DNM3: variants seen among roughly 807,000 people sequenced by gnomAD.
The protein encoded by DNM3 is dynamin 3.
Under a neutral mutation model 101.6 loss-of-function variants are expected in DNM3, and 47 were observed. That is an observed-to-expected ratio of 0.46 (90% CI 0.37 to 0.59). The LOEUF (loss-of-function observed/expected upper bound fraction) is 0.59, where lower values mean the gene tolerates loss of function less well. Among genes scored for constraint, DNM3 ranks in the 20% least tolerant of loss-of-function variants. The pLI, the probability that DNM3 is intolerant of heterozygous loss-of-function variation, is 0.00. For synonymous variants in DNM3, 385 were observed against 387.9 expected, an observed-to-expected ratio of 0.99 and a Z score of 0.09; for missense variants, 849 against 1,085.7, an observed-to-expected ratio of 0.78 and a Z score of 3.06.
intron 15 of DNM3, among the ~76,000 whole-genome samples, chr1:172,290,930 G>A (rs10911502): frequency 2.3e-3 from 354 of 152,084 alleles, no homozygotes; most frequent in Middle Eastern, 6.8e-3. Context: ...TGGGAGTCAG[G>A]CGGGTGTGAT....
intron 15 of DNM3, among the ~76,000 whole-genome samples, chr1:172,262,218 T>G (rs1464159781): frequency 6.6e-6 from 1 of 152,026 alleles, no homozygotes; most frequent in Admixed American, 6.5e-5. Flanking sequence ...GTGGTGGTTG[T>G]GGGCAGTGGC....
At position 172,388,793 on chromosome 1, in the gene DNM3, C is replaced by G; in HGVS notation, c.2506C>G (p.Pro836Ala). 6.3e-7 allele frequency: 1 copy of G among 1,586,108 alleles called. No individual in the cohort carries two copies. Among genetic ancestry groups the G allele is most frequent in the Non-Finnish European group, 8.6e-7 (1 of 1,166,190 alleles). The change falls in exon 20 of 21, where the codon CCG becomes GCG. Residue 836 changes from proline (P) to alanine (A), a missense_variant. Transcript: ENST00000627582. Reference protein sequence around the residue: ...PQVPSRPTRAPPSVPSRRPPP... With the variant: ...PQVPSRPTRAAPSVPSRRPPP... ...AGTTCCATCTAGGCCTACGAGGGCCCCGCCCAGTGTCCCAAGGTAAGGCAT... is the reference window on the plus strand; with the variant it reads ...AGTTCCATCTAGGCCTACGAGGGCCGCGCCCAGTGTCCCAAGGTAAGGCAT...
intron 14 of DNM3, among the ~76,000 whole-genome samples, chr1:172,246,084 T>A (rs1218014115): frequency 2.0e-5 from 3 of 152,214 alleles, no homozygotes; most frequent in African/African-American, 7.2e-5. Context: ...TTTTAAACCA[T>A]CTGATCTCAT....
chr1:172,036,375 C>T (rs905601331), intron 6 of DNM3, among the ~76,000 whole-genome samples: 75 of 151,840 alleles, frequency 4.9e-4, no homozygotes, highest in African/African-American at 6.5e-4. Flanking sequence ...ATGGTGTATA[C>T]GCTACCTGAC....
At chr1:172,039,994 A>C (rs1057231097) in intron 7 of DNM3, among the ~76,000 whole-genome samples, 2 of 152,174 alleles carry the variant, frequency 1.3e-5, no homozygotes, top group African/African-American at 4.8e-5. Flanking sequence ...CCGGATGAGG[A>C]AGCAGTTACA....
chr1:172,081,957 A>G, intron 12 of DNM3, 55 bp downstream of exon 12: 3 of 1,546,734 alleles, frequency 1.9e-6, no homozygotes, highest in East Asian at 2.3e-5. Context: ...TGTCTCAAAC[A>G]CACATTGTGA....
chr1:172,321,650 C>T (rs2065723192), intron 16 of DNM3, among the ~76,000 whole-genome samples: 1 of 152,144 alleles, frequency 6.6e-6, no homozygotes, highest in African/African-American at 2.4e-5. Flanking sequence ...TCATTGTTGC[C>T]ACTACAAACA....
intron 16 of DNM3, among the ~76,000 whole-genome samples, chr1:172,316,859 G>A (rs1039183909): frequency 3.4e-4 from 51 of 152,204 alleles, no homozygotes; most frequent in Middle Eastern, 3.4e-3. Flanking sequence ...GGATACCCAG[G>A]AATTGAACTC....
chr1:172,127,235 C>T (rs1003146600), intron 13 of DNM3, among the ~76,000 whole-genome samples: 3 of 151,972 alleles, frequency 2.0e-5, no homozygotes, highest in African/African-American at 7.3e-5. Context: ...GACTTACGTC[C>T]ACCCTTACTC....
chr1:172,387,106 T>A, intron 18 of DNM3, 27 bp from the exon 19 acceptor site: 1 of 1,584,208 alleles, frequency 6.3e-7, no homozygotes, highest in Non-Finnish European at 8.7e-7. Flanking sequence ...TTATTCCCAT[T>A]TTTATTTCTC....
At chr1:171,993,988 A>G (rs2045822141) in intron 4 of DNM3, among the ~76,000 whole-genome samples, 1 of 152,020 alleles carries the variant, frequency 6.6e-6, no homozygotes, top group South Asian at 2.1e-4. Flanking sequence ...TTGGTGAAAC[A>G]TTATTCTCAT....
chr1:172,132,339 G>A (rs906636172), intron 14 of DNM3, among the ~76,000 whole-genome samples: 1 of 152,126 alleles, frequency 6.6e-6, no homozygotes, highest in Admixed American at 6.6e-5. Context: ...TTGGTTGATT[G>A]CCACTAAACT....
chr1:172,205,854 T>C (rs904220973), intron 14 of DNM3, among the ~76,000 whole-genome samples: 1 of 152,138 alleles, frequency 6.6e-6, no homozygotes, highest in African/African-American at 2.4e-5. Flanking sequence ...AAACATTAGT[T>C]GCAATGAGTC....
intron 20 of DNM3, among the ~76,000 whole-genome samples, chr1:172,395,732 T>TGTAA (rs563561890): frequency 1.4e-4 from 22 of 152,364 alleles, no homozygotes; most frequent in African/African-American, 5.3e-4. Flanking sequence ...GCCAATGTAT[T>TGTAA]GTAAGTGTTG....
At position 171,841,562 on chromosome 1, in the gene DNM3, G is replaced by A. The variant is rs1480664733; in HGVS notation, c.-95G>A. ...CGCCAGGACCTGGCTGGCTGAGCCC[G>A]GCGCAGCAGCAGCAGCCAGGGCAGC... On this transcript the variant is annotated 5_prime_UTR_variant, in exon 1 of 21. Coordinates refer to ENST00000627582, the MANE Select transcript of DNM3 (RefSeq NM_015569.5). 9.5e-6 allele frequency: 14 copies of A among 1,475,090 alleles called. No homozygotes were observed. The Admixed American group carries it at 2.7e-4, about 29-fold the overall frequency. The allele number at this position is 1,475,090 out of a possible 1,614,324, so 91.4% of individuals were successfully genotyped here.
intron 17 of DNM3, among the ~76,000 whole-genome samples, chr1:172,366,284 C>T (rs1231359970): frequency 6.6e-6 from 1 of 151,800 alleles, no homozygotes; most frequent in Non-Finnish European, 1.5e-5. Context: ...TTTTGAAAAA[C>T]AAAACAAAAC....
In DNM3 at chr1:172,408,423, A is replaced by G; in HGVS notation, c.*582A>G. 1 of 985,920 alleles carries G rather than the reference A, an allele frequency of 1.0e-6. No individual in the cohort carries two copies. The highest frequency in any genetic ancestry group is 1.2e-6 in the Non-Finnish European group (1 of 830,302). 61.1% of individuals were successfully genotyped at this position (985,920 alleles called of 1,614,324 possible). A position where few individuals can be genotyped will look rare whatever the true frequency, so the allele number is the denominator to read the frequency against. ...TCCAGAAGCACGAGGTAGTTTGCAA[A>G]GGAAAAGTCTGCACTGTTTGCTCTA... On this transcript the variant is annotated 3_prime_UTR_variant, in exon 21 of 21. Coordinates refer to ENST00000627582, the MANE Select transcript of DNM3 (RefSeq NM_015569.5).
chr1:172,156,556 C>T (rs752685882), intron 14 of DNM3, among the ~76,000 whole-genome samples: 17 of 151,922 alleles, frequency 1.1e-4, no homozygotes, highest in African/African-American at 1.9e-4. Flanking sequence ...TACTTTTTTT[C>T]GCCTAATGTT....
intron 14 of DNM3, among the ~76,000 whole-genome samples, chr1:172,153,492 A>G (rs955072705): frequency 1.3e-5 from 2 of 152,166 alleles, no homozygotes; most frequent in Non-Finnish European, 2.9e-5. Context: ...ATGATCAGAA[A>G]GCATTCAGTA....
Sources: gnomAD v4.1 joint callset for allele counts (sites outside exome capture counted in the v4.1 genomes callset) on GRCh38, gnomAD v4.1.1 for gene constraint, MANE v1.5 for transcripts, NCBI Gene and HGNC (gene_info 2026-07-23, HGNC 2026-07-21) for gene names.